L3MBTL3: variants seen among roughly 807,000 people sequenced by gnomAD.
The protein encoded by L3MBTL3 is lethal(3)malignant brain tumor-like protein 3.
Under a neutral mutation model 102.3 loss-of-function variants are expected in L3MBTL3, and 27 were observed. The ratio of observed to expected loss-of-function variants is 0.26; its 90% CI spans 0.19 to 0.36. The LOEUF is 0.36. Ranked by LOEUF, L3MBTL3 falls within the 10% of genes least tolerant of loss-of-function variation. L3MBTL3 has a pLI of 1.00. For missense variants in L3MBTL3, 798 were observed against 955.3 expected, an observed-to-expected ratio of 0.84 and a Z score of 2.17; for synonymous variants, 340 against 320.9, an observed-to-expected ratio of 1.06 and a Z score of -0.64.
chr6:130,052,915 G>T lies in L3MBTL3; in HGVS notation c.506G>T (p.Cys169Phe), dbSNP rs773523944. Residue 169 changes from cysteine to phenylalanine, a missense_variant, in exon 7 of 23, where the codon TGT becomes TTT. Around this residue, in one of 4 missense-constraint regions of L3MBTL3, gnomAD observed 434 missense variants for 506.6 expected, o/e 0.86. Transcript: ENST00000361794. ...GACAATGAGGAAGAAGATCCTAAGT[G>T]TAGTCGGAAGAAAAAACCAAAATTA... Reference protein sequence around the residue: ...EEDNEEEDPKCSRKKKPKLSL... With the variant: ...EEDNEEEDPKFSRKKKPKLSL... 43 of 1,614,032 alleles carry T rather than the reference G, an allele frequency of 2.7e-5. No individual in the cohort carries two copies. In the South Asian group the frequency reaches 4.6e-4, roughly 17 times the overall value.
At chr6:130,034,436 T>C (rs1431424792) in intron 2 of L3MBTL3, among the ~76,000 whole-genome samples, 3 of 152,240 alleles carry the variant, frequency 2.0e-5, no homozygotes, top group Admixed American at 6.5e-5. Context: ...GGAGTACTTA[T>C]TGAAACAAAT....
At chr6:130,081,001 G>A (rs575176824) in intron 14 of L3MBTL3, among the ~76,000 whole-genome samples, 79 of 152,318 alleles carry the variant, frequency 5.2e-4, no homozygotes, top group African/African-American at 1.9e-3. Flanking sequence ...CTAAGCAGCT[G>A]CTTCCTTCAC....
chr6:130,137,394 T>C (rs1481096085), intron 22 of L3MBTL3, among the ~76,000 whole-genome samples: 1 of 152,250 alleles, frequency 6.6e-6, no homozygotes, highest in Non-Finnish European at 1.5e-5. Context: ...TCACTGTTGT[T>C]CTTAGGATGT....
At chr6:130,108,295 C>CGT (rs1562318522) in intron 19 of L3MBTL3, among the ~76,000 whole-genome samples, 1 of 127,774 alleles carries the variant, frequency 7.8e-6, no homozygotes, top group East Asian at 2.5e-4. Flanking sequence ...AGTGCAGTGG[C>CGT]GTGATCTTGG....
intron 3 of L3MBTL3, 96 bp from the exon 4 acceptor site, chr6:130,049,186 T>C (rs1179949918): frequency 1.4e-6 from 1 of 691,606 alleles, no homozygotes; most frequent in African/African-American, 1.8e-5. Flanking sequence ...TACCATGTAA[T>C]TAATTTGCTT....
Position 130,133,688 on chromosome 6 carries a change from T to C in L3MBTL3, c.2136+67T>C, listed in dbSNP as rs566807674. On this transcript the variant is annotated intron_variant, in intron 21 of 22. Transcript: ENST00000361794. The surrounding 1 kb of genome is among the most constrained non-coding windows in gnomAD (Gnocchi z 4.9). ...TTACTGGCTTAAGAGGTGTGGAACA[T>C]TGAGCGTAGGTAGCGTTTAGTCTTT... The C allele has an allele frequency of 3.8e-6, 6 of 1,582,384 alleles. No individual in the cohort carries two copies. In the South Asian group the frequency reaches 6.7e-5, roughly 18 times the overall value.
intron 22 of L3MBTL3, chr6:130,138,475 C>G (rs1410993719): frequency 6.6e-6 from 1 of 152,182 alleles, no homozygotes; most frequent in African/African-American, 2.4e-5. Context: ...CTATATGTGT[C>G]TCTTTCTCCA....
At chr6:130,050,829 A>C (rs777708718) in intron 5 of L3MBTL3, among the ~76,000 whole-genome samples, 2 of 152,250 alleles carry the variant, frequency 1.3e-5, no homozygotes, top group Non-Finnish European at 2.9e-5. Context: ...AGAGATGTTG[A>C]TTTAGCCAAT....
Position 130,112,987 on chromosome 6 carries a change from G to T in L3MBTL3, c.1887-7892G>T, listed in dbSNP as rs548456104. ...GGCAGCTCATCTCTGCCCTCACGCT[G>T]CTCCTAGAGGCAAGATGTTGAGGCA... is the stretch of plus-strand genomic sequence containing the variant. On this transcript the variant is annotated intron_variant, in intron 19 of 22. Transcript: ENST00000361794. Among the ~76,000 whole-genome samples the T allele has an allele frequency of 3.3e-5, 5 of 152,298 alleles. No individual in the cohort carries two copies. The South Asian group carries it at 1.0e-3, about 32-fold the overall frequency.
intron 11 of L3MBTL3, among the ~76,000 whole-genome samples, chr6:130,067,454 C>T (rs1166008424): frequency 6.6e-6 from 1 of 152,154 alleles, no homozygotes; most frequent in East Asian, 1.9e-4. Flanking sequence ...TCAATCATTA[C>T]ATTGATTTTT....
intron 22 of L3MBTL3, among the ~76,000 whole-genome samples, chr6:130,139,323 TA>T (rs1788064199): frequency 6.6e-6 from 1 of 152,250 alleles, no homozygotes; most frequent in South Asian, 2.1e-4. Context: ...ATATTCTTCT[TA>T]ACTCTACAAC....
intron 19 of L3MBTL3, among the ~76,000 whole-genome samples, chr6:130,109,767 A>G (rs895114906): frequency 6.6e-6 from 1 of 152,198 alleles, no homozygotes; most frequent in Non-Finnish European, 1.5e-5. Context: ...TGTTTTAGTC[A>G]TGAAGTCTTT....
rs116638951 is a variant in L3MBTL3 at position 130,057,388 on chromosome 6, G to A, written c.668-18G>A. On this transcript the variant is annotated intron_variant, in intron 8 of 22. Coordinates refer to ENST00000361794, the MANE Select transcript of L3MBTL3 (RefSeq NM_032438.4). ...TAGATTTGGAAATTCTGTCATTTCC[G>A]TCTTGCTTGCCTTTCAGGTTTGCCT... 2,288 of 1,589,308 alleles carry A rather than the reference G, an allele frequency of 1.4e-3. 42 individuals are homozygous for A. The African/African-American group carries it at 0.026, about 18-fold the overall frequency.
At chr6:130,034,271 A>G (rs966505148) in intron 2 of L3MBTL3, among the ~76,000 whole-genome samples, 3 of 152,214 alleles carry the variant, frequency 2.0e-5, no homozygotes, top group Admixed American at 2.0e-4. Context: ...TGTGAGGTCA[A>G]TGTCCGCAGC....
Position 130,111,564 on chromosome 6 carries a change from G to A in L3MBTL3, c.1886+6989G>A, listed in dbSNP as rs367817029. ...TCCCCAGAATGAGTGATGTGCTGAC[G>A]TTGCTTTTGATTCAGAGCTTATTTG... On this transcript the variant is annotated intron_variant, in intron 19 of 22. Transcript: ENST00000361794. Among the ~76,000 whole-genome samples, 7 of 152,196 alleles carry A rather than the reference G, an allele frequency of 4.6e-5. No individual in the cohort carries two copies. The East Asian group carries it at 9.6e-4, about 21-fold the overall frequency.
chr6:130,042,184 C>T (rs941570049), intron 2 of L3MBTL3, among the ~76,000 whole-genome samples: 5 of 152,082 alleles, frequency 3.3e-5, no homozygotes, highest in African/African-American at 1.2e-4. Flanking sequence ...GAAATTTTAT[C>T]ACAATTTAGG....
At chr6:130,076,495 T>G (rs1028409636) in intron 13 of L3MBTL3, among the ~76,000 whole-genome samples, 1 of 152,156 alleles carries the variant, frequency 6.6e-6, no homozygotes, top group African/African-American at 2.4e-5. Context: ...TTCTGGCCCT[T>G]TTAGAATTTA....
intron 14 of L3MBTL3, 37 bp from the exon 15 acceptor site, chr6:130,083,583 G>A: frequency 3.4e-6 from 3 of 878,002 alleles, no homozygotes; most frequent in South Asian, 3.2e-5. Context: ...CTATCATTTT[G>A]GTTAAACCTC....
intron 19 of L3MBTL3, among the ~76,000 whole-genome samples, chr6:130,111,447 C>T (rs191976706): frequency 1.3e-5 from 2 of 152,266 alleles, no homozygotes; most frequent in East Asian, 1.9e-4. Context: ...AGGAAATCAG[C>T]GCAGGTGAGA....
Sources: gnomAD v4.1 joint callset for allele counts (sites outside exome capture counted in the v4.1 genomes callset) on GRCh38, gnomAD v4.1.1 for gene constraint, gnomAD v4.1.1 regional missense constraint, Gnocchi (gnomAD v3.1) non-coding constraint, MANE v1.5 for transcripts, NCBI Gene and HGNC (gene_info 2026-07-23, HGNC 2026-07-21) for gene names.